Variants in RASA1 observed in about 807,000 individuals in gnomAD.
RASA1 encodes ras GTPase-activating protein 1.
Under a neutral mutation model 132.2 loss-of-function variants are expected in RASA1, and 25 were observed. That is an observed-to-expected ratio of 0.19 (90% CI 0.14 to 0.26). The LOEUF (loss-of-function observed/expected upper bound fraction) is 0.26, where lower values mean the gene tolerates loss of function less well. RASA1 is among the 10% of genes least tolerant of loss of function. The pLI is 1.00. For synonymous variants in RASA1, 477 were observed against 449.9 expected, an observed-to-expected ratio of 1.06 and a Z score of -0.76; for missense variants, 964 against 1,299.2, an observed-to-expected ratio of 0.74 and a Z score of 3.97.
chr5:87,285,269 A>G (rs1044509555), intron 1 of RASA1, among the ~76,000 whole-genome samples: 5 of 151,650 alleles, frequency 3.3e-5, no homozygotes, highest in Admixed American at 6.6e-5. Context: ...GGGTTTCACT[A>G]TGTTGGCCAG....
intron 23 of RASA1, 45 bp downstream of exon 23, chr5:87,386,948 A>C (rs1224294228): frequency 1.3e-6 from 2 of 1,494,738 alleles, no homozygotes; most frequent in South Asian, 2.3e-5. Flanking sequence ...CTTCTAGTTG[A>C]TATAGCTGAG....
chr5:87,273,737 A>T (rs1580185472), intron 1 of RASA1, among the ~76,000 whole-genome samples: 1 of 131,170 alleles, frequency 7.6e-6, no homozygotes, highest in Non-Finnish European at 1.6e-5. Flanking sequence ...TTGCTCTGTT[A>T]CCCAGGGTGG....
chr5:87,319,146 C>T (rs1756578320), intron 1 of RASA1, among the ~76,000 whole-genome samples: 1 of 152,250 alleles, frequency 6.6e-6, no homozygotes, highest in African/African-American at 2.4e-5. Context: ...TGCCCCATGG[C>T]TCTGCAGGAT....
chr5:87,308,964 G>A (rs1228707691), intron 1 of RASA1, among the ~76,000 whole-genome samples: 6 of 152,038 alleles, frequency 3.9e-5, no homozygotes, highest in South Asian at 2.1e-4. Flanking sequence ...TATCCCTGTC[G>A]TTAAGCAATG....
rs755634472 is a variant in RASA1 at position 87,353,183 on chromosome 5, G to A, written c.1280G>A (p.Arg427Gln). 2.9e-5 allele frequency: 47 copies of A among 1,610,364 alleles called. No individual in the cohort carries two copies. The highest frequency in any genetic ancestry group is 6.7e-5 in the East Asian group (3 of 44,674). The part of the protein sequence containing the change: ...NSIGDIIDHY[R>Q]KEQIVEGYYL... ...ATTGGGGACATCATAGATCACTATC[G>A]AAAAGAACAGATTGTTGAAGGATAT... Residue 427 changes from arginine to glutamine, a missense_variant, in exon 9 of 25, where the codon CGA (arginine) becomes CAA (glutamine). Transcript: ENST00000274376.
intron 20 of RASA1, among the ~76,000 whole-genome samples, chr5:87,381,073 C>A (rs1286763607): frequency 6.6e-6 from 1 of 152,078 alleles, no homozygotes; most frequent in African/African-American, 2.4e-5. Flanking sequence ...ACTGCTTTGG[C>A]AAATCATGGA....
chr5:87,333,073 T>A (rs977132819), intron 3 of RASA1, among the ~76,000 whole-genome samples, 194 bp from the exon 4 acceptor site: 1 of 152,084 alleles, frequency 6.6e-6, no homozygotes, highest in African/African-American at 2.4e-5. Context: ...ATTTAAAATA[T>A]GATTTTCATA....
chr5:87,287,090 A>G (rs1754623314), intron 1 of RASA1, among the ~76,000 whole-genome samples: 1 of 148,200 alleles, frequency 6.7e-6, no homozygotes, highest in African/African-American at 2.5e-5. Flanking sequence ...CACACCATAT[A>G]TATACACACC....
At chr5:87,280,072 G>A (rs1037794071) in intron 1 of RASA1, among the ~76,000 whole-genome samples, 1 of 152,222 alleles carries the variant, frequency 6.6e-6, no homozygotes, top group African/African-American at 2.4e-5. Context: ...GGGGAACTCA[G>A]CACGCTGGCT....
rs144698391 is a variant in RASA1, at chr5:87,317,565, A to G, written c.540-13783A>G. ...GATTGTAGACATTGTGTTTCCACCT[A>G]TCTTTTGTCTCTTCTGTTTTTAAGG... On this transcript the variant is annotated intron_variant, in intron 1 of 24. Transcript: ENST00000274376. 2.0e-3 allele frequency among the ~76,000 whole-genome samples: 298 copies of G among 150,290 alleles called. 1 individual carries two copies. The highest frequency in any genetic ancestry group is 3.3e-3 in the Non-Finnish European group (226 of 67,720).
At chr5:87,310,880 A>G (rs570451788) in intron 1 of RASA1, among the ~76,000 whole-genome samples, 1 of 152,356 alleles carries the variant, frequency 6.6e-6, no homozygotes, top group South Asian at 2.1e-4. Flanking sequence ...CAAGTAATTT[A>G]TGCATCAAAC....
Position 87,378,442 on chromosome 5 carries a change from G to A in RASA1, c.2391G>A (p.Leu797=). The change falls in exon 18 of 25, where the codon TTG becomes TTA. Residue 797 remains leucine, a synonymous_variant. Coordinates refer to ENST00000274376, the MANE Select transcript of RASA1 (RefSeq NM_002890.3). ...GAGCCACAACACTTGCAAGCACCTT[G>A]ATGGAGCAGTATATGAAAGCCACTG... The part of the protein sequence containing the change: ...LFRATTLAST[L]MEQYMKATAT... The A allele has an allele frequency of 6.2e-7, 1 of 1,612,736 alleles. No homozygotes were observed. Among genetic ancestry groups the A allele is most frequent in the Non-Finnish European group, 8.5e-7 (1 of 1,178,842 alleles).
At chr5:87,308,100 A>G (rs894310826) in intron 1 of RASA1, among the ~76,000 whole-genome samples, 1 of 152,022 alleles carries the variant, frequency 6.6e-6, no homozygotes, top group Non-Finnish European at 1.5e-5. Flanking sequence ...TTTCTTTTTT[A>G]TGACCAGAAT....
intron 1 of RASA1, among the ~76,000 whole-genome samples, chr5:87,289,499 T>C (rs1754821421): frequency 6.6e-6 from 1 of 152,210 alleles, no homozygotes; most frequent in African/African-American, 2.4e-5. Context: ...AATTTATTAG[T>C]TGGCAATCTT....
At chr5:87,293,883 T>C (rs1177509481) in intron 1 of RASA1, among the ~76,000 whole-genome samples, 2 of 152,146 alleles carry the variant, frequency 1.3e-5, no homozygotes, top group African/African-American at 2.4e-5. Context: ...GTTTATTATC[T>C]TTTTAATGAC....
intron 2 of RASA1, 66 bp downstream of exon 2, chr5:87,331,566 A>T: frequency 2.6e-6 from 4 of 1,537,246 alleles, no homozygotes; most frequent in Non-Finnish European, 3.6e-6. Context: ...TCATAAATAT[A>T]CCTGTATAAT....
At chr5:87,302,781 A>C (rs1755431711) in intron 1 of RASA1, among the ~76,000 whole-genome samples, 1 of 151,352 alleles carries the variant, frequency 6.6e-6, no homozygotes, top group South Asian at 2.1e-4. Flanking sequence ...TCCCGAATAA[A>C]CAGAATTCTA....
chr5:87,290,171 C>T (rs1754853838), intron 1 of RASA1, among the ~76,000 whole-genome samples: 1 of 152,014 alleles, frequency 6.6e-6, no homozygotes, highest in South Asian at 2.1e-4. Context: ...TCCATTTTTA[C>T]AGTGATTTAT....
intron 1 of RASA1, among the ~76,000 whole-genome samples, chr5:87,289,578 C>CAG (rs1270898071): frequency 1.3e-5 from 2 of 151,958 alleles, no homozygotes; most frequent in Admixed American, 1.3e-4. Context: ...TTAGGCTGGG[C>CAG]AGAGATACAT....
Sources: gnomAD v4.1 joint callset for allele counts (sites outside exome capture counted in the v4.1 genomes callset) on GRCh38, gnomAD v4.1.1 for gene constraint, MANE v1.5 for transcripts, NCBI Gene and HGNC (gene_info 2026-07-23, HGNC 2026-07-21) for gene names.